The following MACROD2 variants were observed in gnomAD, a reference collection of about 807,000 sequenced individuals.
MACROD2 encodes the protein ADP-ribose glycohydrolase MACROD2.
MACROD2 carries 36 observed loss-of-function variants against 70.4 expected under a neutral mutation model. The ratio of observed to expected loss-of-function variants is 0.51; its 90% confidence interval spans 0.39 to 0.68. MACROD2 has a LOEUF of 0.68. Ranked by LOEUF, MACROD2 falls within the 30% of genes least tolerant of loss-of-function variation. MACROD2 has a pLI of 0.00. For missense variants in MACROD2, 496 were observed against 538.4 expected (o/e 0.92, Z 0.78); for synonymous variants, 172 against 178.8 (o/e 0.96, Z 0.30).
At chr20:14,904,092 C>T (rs1052715523) in intron 5 of MACROD2, among the ~76,000 whole-genome samples, 1 of 152,112 alleles carries the variant, frequency 6.6e-6, no homozygotes, top group Non-Finnish European at 1.5e-5. Context: ...GACTGTGATA[C>T]CATGTCTACA....
intron 8 of MACROD2, among the ~76,000 whole-genome samples, chr20:15,767,414 C>G (rs1163856935): frequency 6.6e-6 from 1 of 152,178 alleles, no homozygotes; most frequent in Non-Finnish European, 1.5e-5. Flanking sequence ...AATTTCCTGG[C>G]AAACAATAGT....
chr20:16,024,940 TTTTGTTTG>T (rs139692960), intron 15 of MACROD2, among the ~76,000 whole-genome samples: 1 of 152,094 alleles, frequency 6.6e-6, no homozygotes, highest in Non-Finnish European at 1.5e-5. Flanking sequence ...GGTCTAGGCT[TTTTGTTTG>T]TTTGTTTGTT....
intron 5 of MACROD2, among the ~76,000 whole-genome samples, chr20:15,010,549 C>T (rs982045274): frequency 6.6e-6 from 1 of 152,094 alleles, no homozygotes; most frequent in Non-Finnish European, 1.5e-5. Context: ...CAGTGATTAG[C>T]CTTAAGTCTA....
At chr20:14,522,961 T>C (rs1161167987) in intron 4 of MACROD2, among the ~76,000 whole-genome samples, 3 of 152,116 alleles carry the variant, frequency 2.0e-5, no homozygotes, top group Non-Finnish European at 4.4e-5. Flanking sequence ...AGGAAGGAAA[T>C]ACCGGTCTCA....
chr20:15,837,238 T>G (rs1477522250), intron 8 of MACROD2, among the ~76,000 whole-genome samples: 1 of 152,186 alleles, frequency 6.6e-6, no homozygotes, highest in Non-Finnish European at 1.5e-5. Flanking sequence ...TAAATGCCTT[T>G]TCAAAAGTAT....
At chr20:15,933,739 A>G (rs2065614628) in intron 11 of MACROD2, among the ~76,000 whole-genome samples, 1 of 152,216 alleles carries the variant, frequency 6.6e-6, no homozygotes. Flanking sequence ...CACAGTGAGT[A>G]GAATGTTCTT....
chr20:14,899,415 C>T (rs758081178), intron 5 of MACROD2, among the ~76,000 whole-genome samples: 19 of 151,996 alleles, frequency 1.3e-4, no homozygotes, highest in Admixed American at 3.3e-4. Flanking sequence ...TTCTGTGGGC[C>T]GTAAGGAAGA....
intron 7 of MACROD2, among the ~76,000 whole-genome samples, chr20:15,465,413 G>T (rs550646753): frequency 6.6e-6 from 1 of 152,376 alleles, no homozygotes; most frequent in Non-Finnish European, 1.5e-5. Flanking sequence ...GTACAGCTCT[G>T]TCTGTGTTAA....
chr20:14,683,562 G>A (rs924431624), intron 4 of MACROD2, among the ~76,000 whole-genome samples: 1 of 152,144 alleles, frequency 6.6e-6, no homozygotes, highest in African/African-American at 2.4e-5. Context: ...AAGTAATAAA[G>A]CCCAGATAAT....
At chr20:15,202,720 T>C (rs2076667222) in intron 5 of MACROD2, among the ~76,000 whole-genome samples, 1 of 152,182 alleles carries the variant, frequency 6.6e-6, no homozygotes, top group East Asian at 1.9e-4. Flanking sequence ...GTGTAAAACT[T>C]CCTATAATTT....
chr20:14,910,626 A>G (rs1846246772), intron 5 of MACROD2, among the ~76,000 whole-genome samples: 4 of 152,150 alleles, frequency 2.6e-5, no homozygotes, highest in Admixed American at 6.5e-5. Flanking sequence ...TCCCTGATCC[A>G]TTCATTAAGC....
chr20:14,516,559 A>C (rs532478514), intron 4 of MACROD2, among the ~76,000 whole-genome samples: 1 of 152,262 alleles, frequency 6.6e-6, no homozygotes, highest in African/African-American at 2.4e-5. Context: ...TAAATAGGGA[A>C]TCTTTTCCCC....
intron 3 of MACROD2, among the ~76,000 whole-genome samples, chr20:14,359,915 A>G (rs750236431): frequency 5.9e-5 from 9 of 152,196 alleles, no homozygotes; most frequent in Non-Finnish European, 2.9e-5. Context: ...AATACTATTC[A>G]GCTTTGAAAA....
intron 3 of MACROD2, among the ~76,000 whole-genome samples, chr20:14,140,089 G>T (rs1339567261): frequency 2.6e-5 from 4 of 152,094 alleles, no homozygotes; most frequent in Non-Finnish European, 5.9e-5. Flanking sequence ...CAAGCATTTT[G>T]GATAAGGGAT....
intron 6 of MACROD2, among the ~76,000 whole-genome samples, chr20:15,376,446 A>G (rs1568759839): frequency 6.6e-6 from 1 of 152,138 alleles, no homozygotes; most frequent in Non-Finnish European, 1.5e-5. Context: ...CTAAAGTTGT[A>G]TTTACCGCTG....
chr20:14,958,909 T>C (rs1474925311), intron 5 of MACROD2, among the ~76,000 whole-genome samples: 1 of 152,142 alleles, frequency 6.6e-6, no homozygotes, highest in Non-Finnish European at 1.5e-5. Flanking sequence ...GCTGCTAGTC[T>C]GGGGACCATA....
chr20:14,508,290 T>A (rs998444185), intron 4 of MACROD2, among the ~76,000 whole-genome samples: 1 of 152,216 alleles, frequency 6.6e-6, no homozygotes, highest in Non-Finnish European at 1.5e-5. Context: ...TCTCTTTTTT[T>A]CTCTTTTCCT....
intron 9 of MACROD2, among the ~76,000 whole-genome samples, chr20:15,866,645 G>T (rs184386896): frequency 1.3e-3 from 202 of 152,294 alleles, no homozygotes; most frequent in African/African-American, 4.2e-3. Flanking sequence ...AGAAGGCTGA[G>T]ATCAACTTCC....
At chr20:15,067,895 A>G (rs1311805150) in intron 5 of MACROD2, among the ~76,000 whole-genome samples, 1 of 152,160 alleles carries the variant, frequency 6.6e-6, no homozygotes, top group African/African-American at 2.4e-5. Context: ...TTGCCCAGAG[A>G]ATTTCAGTTA....
Sources: gnomAD v4.1 joint callset for allele counts (sites outside exome capture counted in the v4.1 genomes callset) on GRCh38, gnomAD v4.1.1 for gene constraint, MANE v1.5 for transcripts, NCBI Gene and HGNC (gene_info 2026-07-23, HGNC 2026-07-21) for gene names.